CACNA2D3: variants seen among roughly 807,000 people sequenced by gnomAD.
CACNA2D3 encodes the protein voltage-dependent calcium channel subunit alpha-2/delta-3.
A neutral mutation model predicts 160.6 loss-of-function variants in CACNA2D3; 60 were observed. The ratio of observed to expected loss-of-function variants is 0.37; its 90% CI spans 0.30 to 0.46. The LOEUF (loss-of-function observed/expected upper bound fraction) is 0.46. Ranked by LOEUF, CACNA2D3 falls within the 20% of genes least tolerant of loss-of-function variation. The pLI is 1.00. For missense variants in CACNA2D3, 1,205 were observed against 1,365.0 expected (o/e 0.88, Z 1.85); for synonymous variants, 558 against 492.9 (o/e 1.13, Z -1.75).
intron 34 of CACNA2D3, among the ~76,000 whole-genome samples, chr3:55,017,184 A>G (rs1305462242): frequency 6.6e-6 from 1 of 152,220 alleles, no homozygotes; most frequent in African/African-American, 2.4e-5. Flanking sequence ...GAAATCTACA[A>G]ACATTCTCTT....
intron 11 of CACNA2D3, among the ~76,000 whole-genome samples, chr3:54,686,517 T>A (rs890010876): frequency 6.6e-6 from 1 of 152,246 alleles, no homozygotes; most frequent in Non-Finnish European, 1.5e-5. Context: ...TTTGAATGTC[T>A]TCCCAATTCA....
At chr3:54,758,817 C>T (rs1195918208) in intron 12 of CACNA2D3, among the ~76,000 whole-genome samples, 1 of 152,074 alleles carries the variant, frequency 6.6e-6, no homozygotes, top group Non-Finnish European at 1.5e-5. Context: ...TTTGGAAAGA[C>T]TCAACAACTC....
chr3:54,939,675 T>C (rs1378901983), intron 27 of CACNA2D3, among the ~76,000 whole-genome samples: 1 of 152,160 alleles, frequency 6.6e-6, no homozygotes, highest in Admixed American at 6.5e-5. Context: ...CTGGGACACA[T>C]TTGTCATGGC....
At chr3:54,621,798 A>G (rs1575387385) in intron 9 of CACNA2D3, among the ~76,000 whole-genome samples, 1 of 152,326 alleles carries the variant, frequency 6.6e-6, no homozygotes, top group East Asian at 1.9e-4. Flanking sequence ...TCCAAGGTCT[A>G]TTAGATTATA....
chr3:54,820,384 G>T (rs1169012672), intron 14 of CACNA2D3, among the ~76,000 whole-genome samples: 1 of 152,004 alleles, frequency 6.6e-6, no homozygotes, highest in African/African-American at 2.4e-5. Flanking sequence ...TATTTTGAGG[G>T]TCTTCCAAAA....
chr3:54,623,023 A>G lies in CACNA2D3; in HGVS notation c.964-4764A>G, dbSNP rs548055289. Among the ~76,000 whole-genome samples the G allele has an allele frequency of 1.1e-4, 16 of 152,332 alleles. No individual in the cohort carries two copies. The South Asian group carries it at 2.5e-3, about 24-fold the overall frequency. On this transcript the variant is annotated intron_variant, in intron 9 of 37. Transcript: ENST00000474759. ...TCATTTTAATGCAGGGGAAGCTTTC[A>G]CGAGGTATGGTCTCCGCAGCCAGGG...
chr3:54,769,532 C>T (rs1702281200), intron 13 of CACNA2D3, among the ~76,000 whole-genome samples: 1 of 152,122 alleles, frequency 6.6e-6, no homozygotes, highest in African/African-American at 2.4e-5. Context: ...GACTTTAAGC[C>T]AGTTACTTAG....
At position 54,687,413 on chromosome 3, in the gene CACNA2D3, G is replaced by A. The variant is rs528776051; in HGVS notation, c.1167+45172G>A. On this transcript the variant is annotated intron_variant, in intron 11 of 37. Coordinates refer to ENST00000474759, the MANE Select transcript of CACNA2D3 (RefSeq NM_018398.3). ...GATCCGCCTGCCTTGGCCTCCCAATGTGCCAGGATTATAGGCATGAGCCAC... is the reference window on the plus strand; with the variant it reads ...GATCCGCCTGCCTTGGCCTCCCAATATGCCAGGATTATAGGCATGAGCCAC... 3.3e-5 allele frequency among the ~76,000 whole-genome samples: 5 copies of A among 150,672 alleles called. No individual in the cohort carries two copies. In the East Asian group the frequency reaches 9.8e-4, roughly 29 times the overall value.
chr3:55,031,135 A>G (rs1465013154), intron 35 of CACNA2D3, among the ~76,000 whole-genome samples: 1 of 152,174 alleles, frequency 6.6e-6, no homozygotes, highest in Non-Finnish European at 1.5e-5. Flanking sequence ...TGCATGTGGA[A>G]TGGAGGCGTG....
chr3:54,172,271 G>A (rs1700588130), intron 2 of CACNA2D3, among the ~76,000 whole-genome samples: 2 of 152,184 alleles, frequency 1.3e-5, no homozygotes, highest in African/African-American at 4.8e-5. Flanking sequence ...TTCATATTAG[G>A]CCTGTGCACT....
chr3:54,404,475 A>T (rs1699534432), intron 4 of CACNA2D3, among the ~76,000 whole-genome samples: 1 of 152,164 alleles, frequency 6.6e-6, no homozygotes, highest in South Asian at 2.1e-4. Flanking sequence ...TATAGATGGA[A>T]GGTTTCTCAG....
intron 15 of CACNA2D3, 96 bp downstream of exon 15, chr3:54,837,326 A>G (rs1205440521): frequency 1.1e-6 from 1 of 945,518 alleles, no homozygotes. Flanking sequence ...ATTTTTAAGC[A>G]TAGGATGTAT....
intron 31 of CACNA2D3, among the ~76,000 whole-genome samples, chr3:54,993,854 C>CTTTT (rs60130693): frequency 8.7e-6 from 1 of 114,640 alleles, no homozygotes; most frequent in African/African-American, 3.3e-5. Context: ...CTCTCTCTCT[C>CTTTT]TTTTTTTTTT....
intron 2 of CACNA2D3, among the ~76,000 whole-genome samples, chr3:54,194,465 T>C (rs1444565365): frequency 6.6e-6 from 1 of 152,190 alleles, no homozygotes; most frequent in East Asian, 1.9e-4. Flanking sequence ...TCTCCCTCTT[T>C]CCTGTCTCCC....
chr3:54,282,442 T>C (rs1702903512), intron 2 of CACNA2D3, among the ~76,000 whole-genome samples: 1 of 152,116 alleles, frequency 6.6e-6, no homozygotes, highest in African/African-American at 2.4e-5. Flanking sequence ...TGCGTCAAGG[T>C]AGAGACACCA....
intron 2 of CACNA2D3, among the ~76,000 whole-genome samples, chr3:54,165,456 T>C (rs576870118): frequency 1.3e-5 from 2 of 152,150 alleles, no homozygotes; most frequent in Admixed American, 6.5e-5. Context: ...TCCTTTGATA[T>C]TGGGACAGCT....
intron 27 of CACNA2D3, among the ~76,000 whole-genome samples, chr3:54,919,471 A>G (rs1420209436): frequency 3.3e-5 from 5 of 152,216 alleles, no homozygotes; most frequent in Non-Finnish European, 7.3e-5. Context: ...ATTCGGTACC[A>G]TGAATGTGTC....
intron 27 of CACNA2D3, among the ~76,000 whole-genome samples, chr3:54,945,126 G>A (rs1701580669): frequency 1.3e-5 from 2 of 152,164 alleles, no homozygotes; most frequent in African/African-American, 4.8e-5. Context: ...GGAAGGTTAG[G>A]AATTCCCATC....
intron 11 of CACNA2D3, among the ~76,000 whole-genome samples, chr3:54,734,368 G>C (rs748054778): frequency 6.2e-4 from 94 of 152,150 alleles, no homozygotes; most frequent in Non-Finnish European, 2.9e-4. Flanking sequence ...CTCACACAAG[G>C]GTAGAGCATC....
Sources: gnomAD v4.1 joint callset for allele counts (sites outside exome capture counted in the v4.1 genomes callset) on GRCh38, gnomAD v4.1.1 for gene constraint, MANE v1.5 for transcripts, NCBI Gene and HGNC (gene_info 2026-07-23, HGNC 2026-07-21) for gene names.